Variants in POLR3B observed in about 807,000 individuals in gnomAD.
POLR3B encodes RNA polymerase III subunit B, also known as DNA-directed RNA polymerase III subunit RPC2.
POLR3B carries 96 observed loss-of-function variants against 147.4 expected under a neutral mutation model. That is an observed-to-expected ratio of 0.65 (90% CI 0.55 to 0.77). The LOEUF (loss-of-function observed/expected upper bound fraction) is 0.77. Among genes scored for constraint, POLR3B ranks in the 30% least tolerant of loss-of-function variants. The probability of loss-of-function intolerance (pLI) is 0.00; values close to 1 mark genes in which losing one functional copy is unlikely to be tolerated. For synonymous variants in POLR3B, 461 were observed against 485.9 expected (o/e 0.95, Z 0.67); for missense variants, 1,036 against 1,413.5 (o/e 0.73, Z 4.28).
At chr12:106,490,150 A>G (rs1291236333) in intron 23 of POLR3B, among the ~76,000 whole-genome samples, 3 of 152,168 alleles carry the variant, frequency 2.0e-5, no homozygotes, top group African/African-American at 7.2e-5. Context: ...ATCCAACTAA[A>G]GCTTTGAAAT....
chr12:106,411,151 C>T (rs115758384), intron 12 of POLR3B, among the ~76,000 whole-genome samples, 191 bp downstream of exon 12: 1,541 of 149,384 alleles, frequency 0.01, 20 homozygotes, highest in African/African-American at 0.035. Flanking sequence ...TTTTTGTTTT[C>T]TTTTGAGACG....
At position 106,442,089 on chromosome 12, in the gene POLR3B, AAAAGAAAG is replaced by A. The variant is rs1229496068; in HGVS notation, c.1956-2358_1956-2351del. Among the ~76,000 whole-genome samples, 4 of 143,862 alleles carry A rather than the reference AAAAGAAAG, an allele frequency of 2.8e-5. No homozygotes were observed. In the East Asian group the frequency reaches 7.7e-4, roughly 28 times the overall value. The allele number at this position is 143,862 out of a possible 152,430, so 94.4% of individuals were successfully genotyped here. A position where few individuals can be genotyped will look rare whatever the true frequency, so the allele number is the denominator to read the frequency against. ...GAGCGAAAATCCGCCTCAAAAAAAA[AAAAGAAAG>A]AAAGAAAGAAAGAAATCTCCCAATT... On this transcript the variant is annotated intron_variant, in intron 18 of 27. Transcript: ENST00000228347.
chr12:106,427,320 G>T lies in POLR3B; in HGVS notation c.1225G>T (p.Asp409Tyr). The T allele has an allele frequency of 6.2e-7, 1 of 1,613,522 alleles. No individual in the cohort carries two copies. Among genetic ancestry groups the T allele is most frequent in the African/African-American group, 1.3e-5 (1 of 74,900 alleles). Reference sequence around the variant, plus strand: ...TGATGTTGTCAAACACATGCGCCAAGACCAGATCACCAATGGCATGGTGAA... The same window carrying T: ...TGATGTTGTCAAACACATGCGCCAATACCAGATCACCAATGGCATGGTGAA... The part of the protein sequence containing the change: ...QFDVVKHMRQ[D>Y]QITNGMVNAI... The change falls in exon 13 of 28, where the codon GAC becomes TAC. Residue 409 changes from aspartate (D) to tyrosine (Y), a missense_variant. Coordinates refer to ENST00000228347, the MANE Select transcript of POLR3B (RefSeq NM_018082.6).
Position 106,496,996 on chromosome 12 carries a change from T to C in POLR3B, c.2984+78T>C, listed in dbSNP as rs895584998. On this transcript the variant is annotated intron_variant, in intron 25 of 27. Coordinates refer to ENST00000228347, the MANE Select transcript of POLR3B (RefSeq NM_018082.6). ...GGGGAGACAAAGCCTTAAGGTATAC[T>C]CTATTAAGTATACCTTCAGGCAAGC... The C allele has an allele frequency of 8.2e-5, 116 of 1,406,342 alleles. No individual in the cohort carries two copies. The African/African-American group carries it at 1.6e-3, about 19-fold the overall frequency. 87.1% of individuals were successfully genotyped at this position (1,406,342 alleles called of 1,614,324 possible). A position where few individuals can be genotyped will look rare whatever the true frequency, so the allele number is the denominator to read the frequency against.
rs377586797 is a variant in POLR3B at position 106,357,910 on chromosome 12, C to T, written c.31C>T (p.Leu11=). The part of the protein sequence containing the change: MDVLAEEFGN[L]TPEQLAAPIP... ...CGTGCTAGCGGAGGAGTTTGGGAAC[C>T]TGACTCCGGAGCAGCTGGCGGCGCC... The change falls in exon 1 of 28, where the codon CTG becomes TTG. Residue 11 remains leucine, a synonymous_variant. Coordinates refer to ENST00000228347, the MANE Select transcript of POLR3B (RefSeq NM_018082.6). 2.5e-6 allele frequency: 4 copies of T among 1,613,498 alleles called. No homozygotes were observed. The highest frequency in any genetic ancestry group is 2.2e-5 in the East Asian group (1 of 44,896).
chr12:106,492,394 T>A (rs1378846300), intron 23 of POLR3B, among the ~76,000 whole-genome samples: 2 of 151,310 alleles, frequency 1.3e-5, no homozygotes, highest in East Asian at 1.9e-4. Flanking sequence ...AAAAAAAAAA[T>A]TAAAAATTAG....
chr12:106,503,608 C>G (rs1360541191), intron 26 of POLR3B, among the ~76,000 whole-genome samples: 1 of 152,204 alleles, frequency 6.6e-6, no homozygotes, highest in Non-Finnish European at 1.5e-5. Flanking sequence ...GCTAACAGCT[C>G]TGGCAGCAGC....
chr12:106,409,364 TTTTTTTTC>T, intron 11 of POLR3B, among the ~76,000 whole-genome samples: 24 of 145,860 alleles, frequency 1.6e-4, no homozygotes, highest in Non-Finnish European at 3.3e-4. Context: ...TGTTTTTTTT[TTTTTTTTC>T]TTGAGGATGG....
chr12:106,408,813 C>T (rs1310240019), intron 11 of POLR3B, among the ~76,000 whole-genome samples: 1 of 152,182 alleles, frequency 6.6e-6, no homozygotes, highest in African/African-American at 2.4e-5. Context: ...CACCATATGA[C>T]TCTGGGAACA....
At chr12:106,363,352 C>T (rs933982170) in intron 1 of POLR3B, among the ~76,000 whole-genome samples, 1 of 152,214 alleles carries the variant, frequency 6.6e-6, no homozygotes, top group Non-Finnish European at 1.5e-5. Flanking sequence ...ACCTGCTATT[C>T]CTACAATGTT....
intron 6 of POLR3B, among the ~76,000 whole-genome samples, chr12:106,370,952 C>CT (rs2036598478): frequency 6.6e-6 from 1 of 152,088 alleles, no homozygotes; most frequent in East Asian, 1.9e-4. Context: ...AAGGTGAGAA[C>CT]TTCTTTCTTT....
rs139399179 is a variant in POLR3B at position 106,408,981 on chromosome 12, G to A, written c.967-1845G>A. On this transcript the variant is annotated intron_variant, in intron 11 of 27. Transcript: ENST00000228347. Reference sequence around the variant, plus strand: ...TAATCGAGTGGCATTATACAGTTCAGTAGGGGCATTTTCCGTAAATATCCA... The same window carrying A: ...TAATCGAGTGGCATTATACAGTTCAATAGGGGCATTTTCCGTAAATATCCA... 2.4e-4 allele frequency among the ~76,000 whole-genome samples: 36 copies of A among 152,292 alleles called. No homozygotes were observed. In the East Asian group the frequency reaches 2.7e-3, roughly 11 times the overall value.
rs1478081285 is a variant in POLR3B, at chr12:106,357,892, G to A, written c.13G>A (p.Ala5Thr). The A allele has an allele frequency of 6.2e-7, 1 of 1,613,586 alleles. No individual in the cohort carries two copies. Among genetic ancestry groups the A allele is most frequent in the African/African-American group, 1.3e-5 (1 of 74,936 alleles). Reference sequence around the variant, plus strand: ...CTTCGTGAGCAGCATGGACGTGCTAGCGGAGGAGTTTGGGAACCTGACTCC... The same window carrying A: ...CTTCGTGAGCAGCATGGACGTGCTAACGGAGGAGTTTGGGAACCTGACTCC... Reference protein sequence around the residue: MDVLAEEFGNLTPEQ... With the variant: MDVLTEEFGNLTPEQ... The change falls in exon 1 of 28, where the codon GCG becomes ACG. Residue 5 changes from alanine (A) to threonine (T), a missense_variant. Physicochemically the swap from Ala to Thr is moderately conservative, Grantham distance 58. Around this residue, in one of 12 missense-constraint regions of POLR3B, gnomAD observed 150 missense variants for 145.5 expected, o/e 1.03. Transcript: ENST00000228347.
chr12:106,417,781 A>G (rs1333847567), intron 12 of POLR3B, among the ~76,000 whole-genome samples: 2 of 152,034 alleles, frequency 1.3e-5, no homozygotes, highest in Non-Finnish European at 2.9e-5. Context: ...CATCAATCCC[A>G]TTTTTACTAT....
At chr12:106,377,258 G>A (rs10861586) in intron 7 of POLR3B, among the ~76,000 whole-genome samples, 49,239 of 151,994 alleles carry the variant, frequency 0.32, 10,357 homozygotes, top group African/African-American at 0.6. Context: ...GTTTCTCTTA[G>A]TTCTTTAACT....
At chr12:106,405,699 T>G (rs1169418773) in intron 10 of POLR3B, among the ~76,000 whole-genome samples, 158 bp from the exon 11 acceptor site, 1 of 152,168 alleles carries the variant, frequency 6.6e-6, no homozygotes, top group African/African-American at 2.4e-5. Flanking sequence ...TTTTTGTCAT[T>G]GATTTATGAT....
intron 14 of POLR3B, among the ~76,000 whole-genome samples, chr12:106,431,730 G>A (rs1375988459): frequency 6.6e-6 from 1 of 152,048 alleles, no homozygotes; most frequent in Admixed American, 6.6e-5. Flanking sequence ...TTCAAATTTT[G>A]CCAGTTGTCC....
chr12:106,509,658 C>T lies in POLR3B; in HGVS notation c.*109C>T, dbSNP rs759691487. ...CCTGTGAAGAATTCCCTTGCGTATTCTCTCTCTAAAACAACCAAAAAAAAA... is the reference window on the plus strand; with the variant it reads ...CCTGTGAAGAATTCCCTTGCGTATTTTCTCTCTAAAACAACCAAAAAAAAA... On this transcript the variant is annotated 3_prime_UTR_variant, in exon 28 of 28. Transcript: ENST00000228347. 13 of 1,043,302 alleles carry T rather than the reference C, an allele frequency of 1.2e-5. No homozygotes were observed. The highest frequency in any genetic ancestry group is 3.9e-5 in the Admixed American group (2 of 50,896). 64.6% of individuals were successfully genotyped at this position (1,043,302 alleles called of 1,614,324 possible).
chr12:106,470,302 A>G (rs879559897), intron 23 of POLR3B, among the ~76,000 whole-genome samples: 4 of 152,090 alleles, frequency 2.6e-5, no homozygotes, highest in Admixed American at 2.0e-4. Context: ...CAGTTACATC[A>G]GGTCATTTAA....
Sources: allele counts gnomAD v4.1 joint callset (sites outside exome capture counted in the v4.1 genomes callset), GRCh38; gene constraint gnomAD v4.1.1; regional missense constraint gnomAD v4.1.1; transcripts MANE v1.5; gene names NCBI Gene and HGNC (gene_info 2026-07-23, HGNC 2026-07-21).